VPS13B: variants seen among roughly 807,000 people sequenced by gnomAD.
The protein encoded by VPS13B is vacuolar protein sorting 13 homolog B, also known as intermembrane lipid transfer protein VPS13B.
In VPS13B, 285 loss-of-function variants were observed where a neutral mutation model predicts 426.4. The observed-to-expected ratio is 0.67, with a 90% CI of 0.61 to 0.74. The LOEUF is 0.74. Ranked by LOEUF, VPS13B falls within the 30% of genes least tolerant of loss-of-function variation. The pLI, the probability that VPS13B is intolerant of heterozygous loss-of-function variation, is 0.00. For synonymous variants in VPS13B, 1,676 were observed against 1,676.4 expected, an observed-to-expected ratio of 1.00 and a Z score of 0.01; for missense variants, 4,537 against 4,782.6, an observed-to-expected ratio of 0.95 and a Z score of 1.51.
At chr8:99,766,017 GCTTCATTTTCCGT>G (rs1811199971) in intron 39 of VPS13B, among the ~76,000 whole-genome samples, 2 of 145,858 alleles carry the variant, frequency 1.4e-5, no homozygotes, top group Admixed American at 1.4e-4. Context: ...AGTTCTTGCA[GCTTCATTTTCCGT>G]CTTTCTCCTA....
At chr8:99,174,821 A>C (rs1812542009) in intron 16 of VPS13B, among the ~76,000 whole-genome samples, 1 of 152,212 alleles carries the variant, frequency 6.6e-6, no homozygotes, top group Admixed American at 6.5e-5. Context: ...AATTTTAAGG[A>C]GAGAAAAATT....
intron 33 of VPS13B, among the ~76,000 whole-genome samples, chr8:99,635,927 C>G (rs1054209300): frequency 9.9e-5 from 15 of 151,938 alleles, no homozygotes; most frequent in African/African-American, 3.6e-4. Context: ...GGTAAACTTA[C>G]CTATCTTAAT....
chr8:99,854,030 C>A lies in VPS13B; in HGVS notation c.10641C>A (p.Val3547=). 1 of 1,614,198 alleles carries A rather than the reference C, an allele frequency of 6.2e-7. No homozygotes were observed. The highest frequency in any genetic ancestry group is 8.5e-7 in the Non-Finnish European group (1 of 1,180,040). ...GTAAACAGGTGTTGCCCATGCAGGT[C>A]ACACAGCACGCCAGGGCCTTGGTGA... ...SGGKQVLPMQ[V]TQHARALVNP... The change falls in exon 56 of 62, where the codon GTC becomes GTA. Residue 3547 remains valine, a synonymous_variant. Transcript: ENST00000357162.
chr8:99,028,388 G>T (rs1842258772), intron 2 of VPS13B, among the ~76,000 whole-genome samples: 1 of 147,764 alleles, frequency 6.8e-6, no homozygotes, highest in Non-Finnish European at 1.5e-5. Context: ...GCCGGGCGGG[G>T]GGCTGACCCC....
At chr8:99,587,106 A>G (rs1402591097) in intron 33 of VPS13B, among the ~76,000 whole-genome samples, 2 of 152,194 alleles carry the variant, frequency 1.3e-5, no homozygotes, top group Admixed American at 6.5e-5. Context: ...GTTTGCTCAG[A>G]ATGATGGTTT....
chr8:99,311,941 G>A (rs1821001008), intron 19 of VPS13B, among the ~76,000 whole-genome samples: 2 of 151,864 alleles, frequency 1.3e-5, no homozygotes, highest in African/African-American at 2.4e-5. Flanking sequence ...TCTTTGTCTC[G>A]ATTTTGATCT....
At chr8:99,843,420 C>T (rs1046943694) in intron 54 of VPS13B, among the ~76,000 whole-genome samples, 1 of 152,170 alleles carries the variant, frequency 6.6e-6, no homozygotes, top group African/African-American at 2.4e-5. Context: ...CAGAACAAAT[C>T]TTCCCCGCAA....
intron 19 of VPS13B, among the ~76,000 whole-genome samples, chr8:99,363,226 T>C (rs1009820628): frequency 1.3e-5 from 2 of 152,182 alleles, no homozygotes; most frequent in African/African-American, 4.8e-5. Flanking sequence ...CTTATGCCTA[T>C]GGATATCTAG....
At chr8:99,708,709 A>C (rs1448748288) in intron 36 of VPS13B, among the ~76,000 whole-genome samples, 1 of 152,062 alleles carries the variant, frequency 6.6e-6, no homozygotes, top group Admixed American at 6.6e-5. Flanking sequence ...GAATACTGGC[A>C]TCTTTTACAG....
chr8:99,629,053 T>C (rs982744470), intron 33 of VPS13B, among the ~76,000 whole-genome samples: 1 of 152,160 alleles, frequency 6.6e-6, no homozygotes, highest in African/African-American at 2.4e-5. Flanking sequence ...CATGAGCCAC[T>C]ATGCCCAGCC....
At chr8:99,158,392 G>T (rs1484389358) in intron 15 of VPS13B, among the ~76,000 whole-genome samples, 1 of 151,836 alleles carries the variant, frequency 6.6e-6, no homozygotes, top group African/African-American at 2.4e-5. Flanking sequence ...AATTAGCCGG[G>T]TGTGGTGGTG....
intron 19 of VPS13B, among the ~76,000 whole-genome samples, chr8:99,291,388 A>G (rs941804081): frequency 2.0e-5 from 3 of 152,180 alleles, no homozygotes; most frequent in African/African-American, 7.2e-5. Context: ...TACAGAGAAC[A>G]TAGGCAGTTT....
chr8:99,871,973 A>G (rs1229320087), intron 61 of VPS13B, among the ~76,000 whole-genome samples: 1 of 152,248 alleles, frequency 6.6e-6, no homozygotes. Context: ...AACCAAGCCA[A>G]TTGAACAAGG....
chr8:99,453,469 C>G (rs1818298940), intron 23 of VPS13B, among the ~76,000 whole-genome samples: 1 of 152,188 alleles, frequency 6.6e-6, no homozygotes, highest in Non-Finnish European at 1.5e-5. Context: ...AGCTGTTGCA[C>G]TACCTAAATG....
chr8:99,430,818 A>G (rs946342411), intron 21 of VPS13B, among the ~76,000 whole-genome samples: 1 of 151,482 alleles, frequency 6.6e-6, no homozygotes, highest in East Asian at 1.9e-4. Context: ...TCCCGGGTTC[A>G]AGTGATTCCC....
intron 19 of VPS13B, among the ~76,000 whole-genome samples, chr8:99,320,725 A>T (rs1289193601): frequency 6.6e-6 from 1 of 152,192 alleles, no homozygotes; most frequent in African/African-American, 2.4e-5. Flanking sequence ...TCCCAAATAG[A>T]TGTTTATTAA....
At chr8:99,470,616 G>GT (rs935963021) in intron 24 of VPS13B, among the ~76,000 whole-genome samples, 11 of 151,532 alleles carry the variant, frequency 7.3e-5, no homozygotes, top group Non-Finnish European at 1.3e-4. Context: ...AAGGAAAAAA[G>GT]TTTTTTTAAA....
intron 12 of VPS13B, among the ~76,000 whole-genome samples, chr8:99,140,729 T>C (rs115641209): frequency 1.4e-3 from 207 of 149,072 alleles, no homozygotes; most frequent in African/African-American, 5.0e-3. Context: ...GAGTATACTT[T>C]AGTCATTTTT....
At chr8:99,154,920 A>G (rs1811278086) in intron 14 of VPS13B, among the ~76,000 whole-genome samples, 1 of 152,164 alleles carries the variant, frequency 6.6e-6, no homozygotes, top group African/African-American at 2.4e-5. Context: ...TACTAAAAAT[A>G]GAAGCAATTG....
Sources: gnomAD v4.1 joint callset for allele counts (sites outside exome capture counted in the v4.1 genomes callset) on GRCh38, gnomAD v4.1.1 for gene constraint, MANE v1.5 for transcripts, NCBI Gene and HGNC (gene_info 2026-07-23, HGNC 2026-07-21) for gene names.